The following PAK5 variants were observed in gnomAD, a reference collection of about 807,000 sequenced individuals.
PAK5 encodes serine/threonine-protein kinase PAK 5.
In PAK5, 16 loss-of-function variants were observed where a neutral mutation model predicts 65.9. The ratio of observed to expected loss-of-function variants is 0.24; its 90% CI spans 0.16 to 0.37. The LOEUF is 0.37. PAK5 is among the 10% of genes least tolerant of loss of function. The probability of loss-of-function intolerance (pLI) is 1.00; values close to 1 mark genes in which losing one functional copy is unlikely to be tolerated. For missense variants in PAK5, 785 were observed against 903.9 expected (o/e 0.87, Z 1.69); for synonymous variants, 371 against 354.9 (o/e 1.05, Z -0.51).
chr20:9,587,049 T>C (rs148258957), intron 3 of PAK5, among the ~76,000 whole-genome samples: 5 of 152,148 alleles, frequency 3.3e-5, no homozygotes, highest in African/African-American at 1.2e-4. Context: ...GATTATTTAA[T>C]ACAGTAATAT....
chr20:9,765,645 C>T (rs2048748673), intron 1 of PAK5, among the ~76,000 whole-genome samples: 1 of 152,114 alleles, frequency 6.6e-6, no homozygotes, highest in South Asian at 2.1e-4. Flanking sequence ...CAACCCTCCT[C>T]CCATCAAGCC....
At chr20:9,638,838 C>T (rs1009221013) in intron 3 of PAK5, among the ~76,000 whole-genome samples, 4 of 152,204 alleles carry the variant, frequency 2.6e-5, no homozygotes, top group Admixed American at 1.3e-4. Flanking sequence ...GATTTCCACT[C>T]GGAACTAGCT....
At chr20:9,684,794 A>G (rs989225808) in intron 2 of PAK5, among the ~76,000 whole-genome samples, 2 of 152,202 alleles carry the variant, frequency 1.3e-5, no homozygotes, top group Non-Finnish European at 2.9e-5. Context: ...TCTAATAAAT[A>G]GGTAGAAGGT....
chr20:9,656,227 G>T (rs1259634498), intron 2 of PAK5, among the ~76,000 whole-genome samples: 2 of 152,080 alleles, frequency 1.3e-5, no homozygotes, highest in Admixed American at 6.6e-5. Flanking sequence ...GATCTTATCT[G>T]TGCCTGGCAC....
At chr20:9,832,276 T>A (rs979150794) in intron 1 of PAK5, among the ~76,000 whole-genome samples, 7 of 152,042 alleles carry the variant, frequency 4.6e-5, no homozygotes, top group African/African-American at 1.5e-4. Context: ...TTTGACAACT[T>A]TCTTTTTTTT....
chr20:9,555,464 A>C (rs921463217), intron 7 of PAK5, among the ~76,000 whole-genome samples: 2 of 152,206 alleles, frequency 1.3e-5, no homozygotes, highest in Non-Finnish European at 2.9e-5. Context: ...CTGTACCATA[A>C]ATTTCTAGAA....
intron 1 of PAK5, among the ~76,000 whole-genome samples, chr20:9,819,091 T>C (rs994571786): frequency 6.6e-6 from 1 of 152,162 alleles, no homozygotes; most frequent in Non-Finnish European, 1.5e-5. Context: ...AGGGCTTGGG[T>C]GCATATATTT....
chr20:9,756,363 G>A (rs577957475), intron 1 of PAK5, among the ~76,000 whole-genome samples: 1 of 152,232 alleles, frequency 6.6e-6, no homozygotes, highest in South Asian at 2.1e-4. Context: ...CTGGCCTTCA[G>A]TGTAGCTCAG....
chr20:9,595,462 T>A (rs549813104), intron 3 of PAK5, among the ~76,000 whole-genome samples: 1 of 152,196 alleles, frequency 6.6e-6, no homozygotes, highest in Non-Finnish European at 1.5e-5. Context: ...AGAGAGATGA[T>A]CCACTTCTTT....
chr20:9,788,165 T>G (rs2049013434), intron 1 of PAK5, among the ~76,000 whole-genome samples: 1 of 152,098 alleles, frequency 6.6e-6, no homozygotes, highest in South Asian at 2.1e-4. Context: ...TAGTAACAGC[T>G]TCAATGTAAT....
At chr20:9,641,215 C>T (rs1464158011) in intron 3 of PAK5, among the ~76,000 whole-genome samples, 25 of 151,730 alleles carry the variant, frequency 1.6e-4, no homozygotes, top group Non-Finnish European at 3.7e-4. Context: ...GATTGGTGCA[C>T]CCACAAACCT....
chr20:9,827,786 G>C (rs1232358676), intron 1 of PAK5, among the ~76,000 whole-genome samples: 1 of 151,344 alleles, frequency 6.6e-6, no homozygotes, highest in African/African-American at 2.4e-5. Flanking sequence ...AGTGGAGACA[G>C]GGAAGGGGGC....
At chr20:9,543,989 C>A (rs1224618647) in intron 8 of PAK5, among the ~76,000 whole-genome samples, 1 of 152,172 alleles carries the variant, frequency 6.6e-6, no homozygotes, top group African/African-American at 2.4e-5. Context: ...GTGGCACTTT[C>A]TTTGATCCTC....
intron 1 of PAK5, among the ~76,000 whole-genome samples, chr20:9,822,658 A>T (rs914718303): frequency 2.6e-5 from 4 of 152,234 alleles, no homozygotes; most frequent in Non-Finnish European, 4.4e-5. Context: ...AGGATCTCTG[A>T]AGTTTGGCAG....
At chr20:9,567,893 T>C (rs1011906121) in intron 4 of PAK5, among the ~76,000 whole-genome samples, 3 of 152,166 alleles carry the variant, frequency 2.0e-5, no homozygotes, top group Admixed American at 6.5e-5. Context: ...AGAAGGACTC[T>C]CTGAGGGGGT....
At chr20:9,700,540 A>G (rs753320375) in intron 2 of PAK5, among the ~76,000 whole-genome samples, 4 of 152,182 alleles carry the variant, frequency 2.6e-5, no homozygotes, top group African/African-American at 4.8e-5. Context: ...TCCATCATGC[A>G]CTAGTTTTCC....
rs568360028 is a variant in PAK5, at chr20:9,738,939, G to A, written c.-161-27504C>T. On this transcript the variant is annotated intron_variant, in intron 1 of 9. Coordinates refer to ENST00000353224, the MANE Select transcript of PAK5 (RefSeq NM_177990.4). ...AACATTTCAAGTGCTTGATAACCACGTGAGGCTAATGGCTACTGTCTGGTC... is the reference window on the plus strand; with the variant it reads ...AACATTTCAAGTGCTTGATAACCACATGAGGCTAATGGCTACTGTCTGGTC... Among the ~76,000 whole-genome samples, 9 of 152,076 alleles carry A rather than the reference G, an allele frequency of 5.9e-5. No homozygotes were observed. In the South Asian group the frequency reaches 1.7e-3, roughly 28 times the overall value.
chr20:9,555,365 G>A (rs1197265477), intron 7 of PAK5, among the ~76,000 whole-genome samples: 1 of 152,142 alleles, frequency 6.6e-6, no homozygotes, highest in Admixed American at 6.5e-5. Flanking sequence ...ATTGAGGGGA[G>A]GGGAGATCTT....
chr20:9,728,085 G>A (rs1417055036), intron 1 of PAK5, among the ~76,000 whole-genome samples: 2 of 152,092 alleles, frequency 1.3e-5, no homozygotes, highest in African/African-American at 4.8e-5. Context: ...AACAAGTGGG[G>A]CCCTTGGGAG....
Sources: allele counts gnomAD v4.1 joint callset (sites outside exome capture counted in the v4.1 genomes callset), GRCh38; gene constraint gnomAD v4.1.1; transcripts MANE v1.5; gene names NCBI Gene and HGNC (gene_info 2026-07-23, HGNC 2026-07-21).